The following FGF12 variants were observed in gnomAD, a reference collection of about 807,000 sequenced individuals.
FGF12 encodes the protein fibroblast growth factor 12, also known as fibroblast growth factor 12B.
In FGF12, 14 loss-of-function variants were observed where a neutral mutation model predicts 23.6. The ratio of observed to expected loss-of-function variants is 0.59; its 90% CI spans 0.39 to 0.93. FGF12 has a LOEUF of 0.93. Among genes scored for constraint, FGF12 ranks in the 40% least tolerant of loss-of-function variants. The probability of loss-of-function intolerance (pLI) is 0.00; values close to 1 mark genes in which losing one functional copy is unlikely to be tolerated. For missense variants in FGF12, 175 were observed against 217.8 expected, an observed-to-expected ratio of 0.80 and a Z score of 1.24; for synonymous variants, 62 against 77.3, an observed-to-expected ratio of 0.80 and a Z score of 1.04.
At chr3:192,178,835 T>A (rs1409636747) in intron 4 of FGF12, among the ~76,000 whole-genome samples, 2 of 152,188 alleles carry the variant, frequency 1.3e-5, no homozygotes, top group African/African-American at 4.8e-5. Flanking sequence ...CTTCTCTGTT[T>A]GCTGTGCCAC....
chr3:192,142,235 A>C lies in FGF12; in HGVS notation c.*1774T>G, dbSNP rs1369815634. On this transcript the variant is annotated 3_prime_UTR_variant, in exon 6 of 6. Coordinates refer to ENST00000445105, the MANE Select transcript of FGF12 (RefSeq NM_004113.6). ...CTAACCTCTAGATAACAGAAATAGGATACCTGGTGAAGGATATGGTCCACT... is the reference window on the plus strand; with the variant it reads ...CTAACCTCTAGATAACAGAAATAGGCTACCTGGTGAAGGATATGGTCCACT... The C allele has an allele frequency of 6.6e-6, 1 of 152,532 alleles. No individual in the cohort carries two copies. Among genetic ancestry groups the C allele is most frequent in the Non-Finnish European group, 1.5e-5 (1 of 67,950 alleles). The allele number at this position is 152,532 out of a possible 1,614,324, so 9.4% of individuals were successfully genotyped here.
At chr3:192,161,825 T>C (rs1385356529) in intron 5 of FGF12, among the ~76,000 whole-genome samples, 2 of 152,136 alleles carry the variant, frequency 1.3e-5, no homozygotes, top group African/African-American at 4.8e-5. Flanking sequence ...TGTTGCTGTA[T>C]TCTTGACAGA....
At chr3:192,341,851 T>G (rs1350308358) in intron 3 of FGF12, among the ~76,000 whole-genome samples, 1 of 152,202 alleles carries the variant, frequency 6.6e-6, no homozygotes, top group Admixed American at 6.5e-5. Flanking sequence ...TCCTAACTTC[T>G]TTGAGGGGTA....
chr3:192,564,038 T>G (rs190329017), intron 2 of FGF12, among the ~76,000 whole-genome samples: 274 of 94,908 alleles, frequency 2.9e-3, no homozygotes, highest in African/African-American at 8.5e-3. Context: ...TAGTTTTTTG[T>G]TTTTTTTTGT....
intron 2 of FGF12, among the ~76,000 whole-genome samples, chr3:192,643,156 C>A (rs1052107674): frequency 6.6e-6 from 1 of 152,090 alleles, no homozygotes; most frequent in African/African-American, 2.4e-5. Context: ...CTTTACTATT[C>A]TAAGCTTCTG....
chr3:192,627,969 C>T (rs1028195005), intron 2 of FGF12, among the ~76,000 whole-genome samples: 2 of 151,874 alleles, frequency 1.3e-5, no homozygotes, highest in African/African-American at 4.8e-5. Context: ...TTTTATGTTG[C>T]CCTTTTATAA....
intron 3 of FGF12, among the ~76,000 whole-genome samples, chr3:192,353,433 G>C (rs571435490): frequency 7.4e-6 from 1 of 135,042 alleles, no homozygotes; most frequent in Non-Finnish European, 1.5e-5. Flanking sequence ...GCAGTGGCAC[G>C]ATCCCAGCTC....
At chr3:192,282,691 GTA>G (rs1263411865) in intron 4 of FGF12, 7 of 151,890 alleles carry the variant, frequency 4.6e-5, no homozygotes, top group Non-Finnish European at 1.0e-4. Flanking sequence ...ATATATATAT[GTA>G]TATATTAGAG....
rs145963944 is a variant in FGF12 at position 192,272,475 on chromosome 3, C to T, written c.228+62886G>A. Among the ~76,000 whole-genome samples the T allele has an allele frequency of 8.6e-4, 131 of 152,178 alleles. 1 individual carries two copies. Among genetic ancestry groups the T allele is most frequent in the African/African-American group, 2.6e-3 (107 of 41,518 alleles). On this transcript the variant is annotated intron_variant, in intron 4 of 5. Transcript: ENST00000445105. ...CCAGTGAAATATGGCTGCATGATTACGGGGCACAGTTGAACCTAATTACCA... is the reference window on the plus strand; with the variant it reads ...CCAGTGAAATATGGCTGCATGATTATGGGGCACAGTTGAACCTAATTACCA...
chr3:192,447,439 G>A (rs189692337), intron 2 of FGF12, among the ~76,000 whole-genome samples: 151 of 152,162 alleles, frequency 9.9e-4, no homozygotes, highest in African/African-American at 3.1e-3. Context: ...GTGTTTATAC[G>A]TTTATTGCAG....
chr3:192,603,158 A>AAT (rs1233973624), intron 2 of FGF12, among the ~76,000 whole-genome samples: 3 of 152,176 alleles, frequency 2.0e-5, no homozygotes, highest in African/African-American at 7.2e-5. Flanking sequence ...ACTCCTATTC[A>AAT]ATATAGTGCT....
chr3:192,271,291 C>A (rs568192300), intron 4 of FGF12, among the ~76,000 whole-genome samples: 4 of 152,250 alleles, frequency 2.6e-5, no homozygotes, highest in Admixed American at 2.6e-4. Flanking sequence ...TTCTTTTCTC[C>A]TGTATTCTGT....
At chr3:192,285,882 C>G (rs1293831976) in intron 4 of FGF12, among the ~76,000 whole-genome samples, 1 of 152,020 alleles carries the variant, frequency 6.6e-6, no homozygotes, top group Admixed American at 6.6e-5. Flanking sequence ...TTAACTATGA[C>G]AGCAAATGTT....
chr3:192,695,878 C>A (rs1275888361), intron 2 of FGF12, among the ~76,000 whole-genome samples: 1 of 152,120 alleles, frequency 6.6e-6, no homozygotes, highest in African/African-American at 2.4e-5. Flanking sequence ...GAGGGTGGAT[C>A]ACTTAAGGTC....
At chr3:192,692,710 T>TAAA (rs200005337) in intron 2 of FGF12, among the ~76,000 whole-genome samples, 4,595 of 123,096 alleles carry the variant, frequency 0.037, 254 homozygotes, top group African/African-American at 0.13. Flanking sequence ...AGACCCTGTC[T>TAAA]AAAAAAAAAA....
Position 192,514,779 on chromosome 3 carries a change from T to G in FGF12, c.14-154241A>C. The G allele has an allele frequency of 1.0e-6, 1 of 985,378 alleles. No homozygotes were observed. The highest frequency in any genetic ancestry group is 4.7e-5 in the South Asian group (1 of 21,282). The allele number at this position is 985,378 out of a possible 1,614,324, so 61.0% of individuals were successfully genotyped here. A position where few individuals can be genotyped will look rare whatever the true frequency, so the allele number is the denominator to read the frequency against. On this transcript the variant is annotated intron_variant, in intron 2 of 5. Transcript: ENST00000445105. The surrounding 1 kb of genome is among the most constrained non-coding windows in gnomAD (Gnocchi z 4.9). Reference sequence around the variant, plus strand: ...TCATGGAGAAGCGCGTGTGTGGGGTTGGTCAACTCCCCGCCCACCTGCGCT... The same window carrying G: ...TCATGGAGAAGCGCGTGTGTGGGGTGGGTCAACTCCCCGCCCACCTGCGCT...
chr3:192,352,139 G>T (rs1203667196), intron 3 of FGF12, among the ~76,000 whole-genome samples: 1 of 151,904 alleles, frequency 6.6e-6, no homozygotes, highest in Non-Finnish European at 1.5e-5. Context: ...AAATGTAACA[G>T]ATTTCACACA....
chr3:192,496,384 T>C (rs1279777219), intron 2 of FGF12, among the ~76,000 whole-genome samples: 1 of 152,082 alleles, frequency 6.6e-6, no homozygotes, highest in African/African-American at 2.4e-5. Flanking sequence ...GTGACTCTGA[T>C]ATACTGGTCC....
chr3:192,494,841 C>CATATATATAT (rs60656064), intron 2 of FGF12, among the ~76,000 whole-genome samples: 73 of 150,444 alleles, frequency 4.9e-4, no homozygotes, highest in African/African-American at 1.7e-3. Flanking sequence ...AGGGCCTATG[C>CATATATATAT]ATATATATAT....
Sources: allele counts gnomAD v4.1 joint callset (sites outside exome capture counted in the v4.1 genomes callset), GRCh38; gene constraint gnomAD v4.1.1; non-coding constraint Gnocchi (gnomAD v3.1); transcripts MANE v1.5; gene names NCBI Gene and HGNC (gene_info 2026-07-23, HGNC 2026-07-21).